The following DLGAP1 variants were observed in gnomAD, a reference collection of about 807,000 sequenced individuals.
DLGAP1 encodes disks large-associated protein 1.
In DLGAP1, 11 loss-of-function variants were observed where a neutral mutation model predicts 90.8. The observed-to-expected ratio is 0.12, with a 90% CI of 0.08 to 0.20. DLGAP1 has a LOEUF of 0.20. Among genes scored for constraint, DLGAP1 ranks in the 10% least tolerant of loss-of-function variants. DLGAP1 has a pLI of 1.00. For synonymous variants in DLGAP1, 558 were observed against 540.7 expected (o/e 1.03, Z -0.44); for missense variants, 1,050 against 1,333.8 (o/e 0.79, Z 3.31).
chr18:4,302,588 T>C (rs1019050780), intron 1 of DLGAP1, among the ~76,000 whole-genome samples: 1 of 152,190 alleles, frequency 6.6e-6, no homozygotes, highest in Admixed American at 6.5e-5. Context: ...AATGTGTCTA[T>C]TTTTATGCCA....
chr18:4,177,068 T>C (rs1482199790), intron 1 of DLGAP1, among the ~76,000 whole-genome samples: 2 of 152,140 alleles, frequency 1.3e-5, no homozygotes, highest in African/African-American at 4.8e-5. Context: ...AACTTGTCAC[T>C]GAAGGCATAG....
At chr18:3,596,384 T>C (rs755654325) in intron 7 of DLGAP1, among the ~76,000 whole-genome samples, 2 of 152,112 alleles carry the variant, frequency 1.3e-5, no homozygotes, top group Non-Finnish European at 2.9e-5. Flanking sequence ...GATCTTGAAC[T>C]CCTGACCTTA....
At chr18:3,884,672 G>T (rs1386389482) in intron 3 of DLGAP1, among the ~76,000 whole-genome samples, 1 of 152,164 alleles carries the variant, frequency 6.6e-6, no homozygotes, top group Non-Finnish European at 1.5e-5. Context: ...GATAATTTCT[G>T]TAAATTAATC....
At chr18:3,999,743 G>A (rs571834295) in intron 3 of DLGAP1, among the ~76,000 whole-genome samples, 1 of 152,090 alleles carries the variant, frequency 6.6e-6, no homozygotes, top group East Asian at 1.9e-4. Context: ...CTTCACTACA[G>A]AGTCTGAGAA....
At chr18:4,336,810 G>C (rs144837976) in intron 1 of DLGAP1, among the ~76,000 whole-genome samples, 1,764 of 152,156 alleles carry the variant, frequency 0.012, 41 homozygotes, top group African/African-American at 0.041. Flanking sequence ...TCCTATTAGA[G>C]TGTAAACTCC....
intron 7 of DLGAP1, chr18:3,604,350 T>G (rs890684881): frequency 7.9e-5 from 12 of 152,190 alleles, no homozygotes; most frequent in Non-Finnish European, 1.8e-4. Flanking sequence ...TTCTGCCATT[T>G]CCCTTCTTCT....
intron 1 of DLGAP1, among the ~76,000 whole-genome samples, chr18:4,368,725 G>T (rs1185403122): frequency 1.4e-5 from 2 of 146,898 alleles, no homozygotes; most frequent in Non-Finnish European, 3.0e-5. Context: ...GACTACTGTA[G>T]ATTTATATTT....
intron 10 of DLGAP1, among the ~76,000 whole-genome samples, chr18:3,518,325 G>A (rs1011214653): frequency 2.0e-5 from 3 of 152,114 alleles, no homozygotes; most frequent in Admixed American, 6.5e-5. Flanking sequence ...GGTTCATGGA[G>A]CTCCAAAACA....
intron 5 of DLGAP1, among the ~76,000 whole-genome samples, chr18:3,791,244 A>ACTT (rs1167467430): frequency 2.0e-5 from 3 of 152,354 alleles, no homozygotes; most frequent in African/African-American, 7.2e-5. Context: ...TCTTCTAGGA[A>ACTT]CTTTGCAAGG....
At chr18:3,751,659 A>C (rs1277078910) in intron 5 of DLGAP1, among the ~76,000 whole-genome samples, 3 of 148,300 alleles carry the variant, frequency 2.0e-5, no homozygotes, top group African/African-American at 7.5e-5. Context: ...CCCGGGTTCG[A>C]GTGATTCTTC....
At chr18:3,889,890 A>T (rs547718787) in intron 3 of DLGAP1, among the ~76,000 whole-genome samples, 33 of 152,266 alleles carry the variant, frequency 2.2e-4, no homozygotes, top group African/African-American at 7.7e-4. Context: ...CTACAGAGGG[A>T]GTGTGTGTGG....
intron 3 of DLGAP1, among the ~76,000 whole-genome samples, chr18:3,918,020 A>G (rs1284642676): frequency 6.6e-6 from 1 of 152,210 alleles, no homozygotes; most frequent in Non-Finnish European, 1.5e-5. Flanking sequence ...CAGCAGTTGT[A>G]CTAAAAAGAA....
intron 4 of DLGAP1, among the ~76,000 whole-genome samples, chr18:3,835,542 G>A (rs993915456): frequency 4.6e-5 from 7 of 151,804 alleles, no homozygotes; most frequent in African/African-American, 1.7e-4. Context: ...CCAGCTACTT[G>A]GGAGGCTGAG....
At chr18:4,236,743 C>A (rs947409730) in intron 1 of DLGAP1, among the ~76,000 whole-genome samples, 1 of 151,788 alleles carries the variant, frequency 6.6e-6, no homozygotes, top group South Asian at 2.1e-4. Flanking sequence ...ATAATAACTG[C>A]GCAATTGTCT....
At chr18:3,717,960 C>T (rs1421684515) in intron 7 of DLGAP1, among the ~76,000 whole-genome samples, 1 of 152,122 alleles carries the variant, frequency 6.6e-6, no homozygotes, top group South Asian at 2.1e-4. Flanking sequence ...GTGCTTGCAT[C>T]CTATTTATTT....
chr18:4,249,659 C>G (rs188962184), intron 1 of DLGAP1, among the ~76,000 whole-genome samples: 8 of 152,276 alleles, frequency 5.3e-5, no homozygotes, highest in Admixed American at 5.2e-4. Context: ...GCAATCATAG[C>G]TCACTGTAGC....
intron 1 of DLGAP1, among the ~76,000 whole-genome samples, chr18:4,434,496 C>T (rs996689262): frequency 1.1e-4 from 16 of 152,288 alleles, no homozygotes; most frequent in African/African-American, 3.1e-4. Context: ...TCTTTCTTCC[C>T]CTGTGCTGCA....
intron 7 of DLGAP1, among the ~76,000 whole-genome samples, chr18:3,668,510 G>C (rs2146700557): frequency 6.6e-6 from 1 of 152,036 alleles, no homozygotes; most frequent in Admixed American, 6.6e-5. Flanking sequence ...TGTAGAGATG[G>C]GGGTCTCACT....
intron 10 of DLGAP1, among the ~76,000 whole-genome samples, chr18:3,522,347 G>A (rs146224306): frequency 0.16 from 24,802 of 151,524 alleles, 2,904 homozygotes; most frequent in African/African-American, 0.32. Context: ...ATCTTGGTCA[G>A]GCTGGTCTCA....
Sources: allele counts gnomAD v4.1 joint callset (sites outside exome capture counted in the v4.1 genomes callset), GRCh38; gene constraint gnomAD v4.1.1; transcripts MANE v1.5; gene names NCBI Gene and HGNC (gene_info 2026-07-23, HGNC 2026-07-21).